Variants in ATRN observed in about 807,000 individuals in gnomAD.
ATRN encodes the protein attractin-2.
Under a neutral mutation model 178.7 loss-of-function variants are expected in ATRN, and 54 were observed. That is an observed-to-expected ratio of 0.30 (90% confidence interval 0.24 to 0.38). ATRN has a LOEUF of 0.38. Among genes scored for constraint, ATRN ranks in the 10% least tolerant of loss-of-function variants. ATRN has a pLI of 1.00. For missense variants in ATRN, 1,443 were observed against 1,815.1 expected (o/e 0.79, Z 3.73); for synonymous variants, 636 against 663.0 (o/e 0.96, Z 0.63).
chr20:3,551,512 C>T (rs530111598), intron 6 of ATRN, among the ~76,000 whole-genome samples: 2 of 152,240 alleles, frequency 1.3e-5, no homozygotes, highest in Non-Finnish European at 2.9e-5. Flanking sequence ...CAGTAAATCA[C>T]TTGTACAGGA....
chr20:3,639,249 G>T (rs1555828248), intron 27 of ATRN, among the ~76,000 whole-genome samples: 1 of 149,054 alleles, frequency 6.7e-6, no homozygotes, highest in Non-Finnish European at 1.5e-5. Flanking sequence ...TCGAATCATT[G>T]TTTTTTTGTT....
chr20:3,476,596 C>T (rs977578055), intron 1 of ATRN, among the ~76,000 whole-genome samples: 3 of 152,360 alleles, frequency 2.0e-5, no homozygotes, highest in South Asian at 2.1e-4. Flanking sequence ...CAGTGGCTCA[C>T]GCCTGTAATC....
intron 22 of ATRN, among the ~76,000 whole-genome samples, chr20:3,599,021 G>C (rs542131434): frequency 6.6e-6 from 1 of 152,214 alleles, no homozygotes; most frequent in East Asian, 1.9e-4. Flanking sequence ...ACAAGTAAAT[G>C]AAAATAGGAT....
chr20:3,472,465 A>G (rs1261959070), intron 1 of ATRN, among the ~76,000 whole-genome samples: 1 of 152,240 alleles, frequency 6.6e-6, no homozygotes, highest in South Asian at 2.1e-4. Flanking sequence ...TGAACAAGAC[A>G]GACAGGGCCT....
chr20:3,589,470 A>G (rs2086408406), intron 18 of ATRN, among the ~76,000 whole-genome samples: 5 of 150,984 alleles, frequency 3.3e-5, no homozygotes, highest in Admixed American at 3.3e-4. Context: ...TATATTGTGG[A>G]TGCAATAATT....
chr20:3,540,729 C>T (rs2085606664), intron 3 of ATRN, among the ~76,000 whole-genome samples: 1 of 152,164 alleles, frequency 6.6e-6, no homozygotes, highest in Admixed American at 6.5e-5. Context: ...TTGCCCACTG[C>T]ATAGGCCTTC....
At chr20:3,472,823 A>G (rs2084451209) in intron 1 of ATRN, among the ~76,000 whole-genome samples, 1 of 152,214 alleles carries the variant, frequency 6.6e-6, no homozygotes, top group Non-Finnish European at 1.5e-5. Context: ...CTGGAAAAAA[A>G]TTACAGATGG....
In ATRN at chr20:3,641,590, CAA is replaced by C. The variant is rs61692220; in HGVS notation, c.4051-2540_4051-2539del. Among the ~76,000 whole-genome samples, 228 of 47,788 alleles carry C rather than the reference CAA, an allele frequency of 4.8e-3. 1 individual carries two copies. Among genetic ancestry groups the C allele is most frequent in the East Asian group, 0.024 (41 of 1,738 alleles). 31.4% of individuals were successfully genotyped at this position (47,788 alleles called of 152,430 possible). On this transcript the variant is annotated intron_variant, in intron 27 of 28. Coordinates refer to ENST00000262919, the MANE Select transcript of ATRN (RefSeq NM_139321.3). ...TGGGCGACAGAACAAGACTCTGTCGCAAAAAAAAAAAAAAAAAAAAAAAAAGG... is the reference window on the plus strand; with the variant it reads ...TGGGCGACAGAACAAGACTCTGTCGCAAAAAAAAAAAAAAAAAAAAAAAGG...
At chr20:3,512,888 T>A (rs1463114172) in intron 1 of ATRN, among the ~76,000 whole-genome samples, 1 of 152,212 alleles carries the variant, frequency 6.6e-6, no homozygotes, top group Non-Finnish European at 1.5e-5. Context: ...ACGTGTCTGT[T>A]GGCTGCATAA....
intron 22 of ATRN, among the ~76,000 whole-genome samples, chr20:3,598,585 A>AT (rs1250885881): frequency 3.3e-5 from 5 of 152,302 alleles, no homozygotes; most frequent in African/African-American, 7.2e-5. Flanking sequence ...TAAAATGTGG[A>AT]TTTTTTTATC....
intron 1 of ATRN, among the ~76,000 whole-genome samples, chr20:3,476,726 G>A (rs2084536543): frequency 6.6e-6 from 1 of 152,176 alleles, no homozygotes; most frequent in Non-Finnish European, 1.5e-5. Context: ...CAGGCATGGT[G>A]GCGAGCGCCT....
At position 3,471,409 on chromosome 20, in the gene ATRN, G is replaced by A. The variant is rs1176357571; in HGVS notation, c.302G>A (p.Cys101Tyr). The change falls in exon 1 of 29, where the codon TGT (cysteine) becomes TAT (tyrosine). Residue 101 changes from cysteine to tyrosine, a missense_variant. Around this residue, in one of 4 missense-constraint regions of ATRN, gnomAD observed 862 missense variants for 972.1 expected, o/e 0.89. Coordinates refer to ENST00000262919, the MANE Select transcript of ATRN (RefSeq NM_139321.3). ...SGSAAAEAKE[C>Y]DRPCVNGGRC... ...TCAGCCGCAGCCGAGGCCAAGGAAT[G>A]TGACCGGCCCTGTGTCAACGGCGGT... 1 of 1,488,166 alleles carries A rather than the reference G, an allele frequency of 6.7e-7. No homozygotes were observed. Among genetic ancestry groups the A allele is most frequent in the Non-Finnish European group, 8.9e-7 (1 of 1,127,264 alleles). The allele number at this position is 1,488,166 out of a possible 1,614,324, so 92.2% of individuals were successfully genotyped here.
intron 23 of ATRN, among the ~76,000 whole-genome samples, chr20:3,602,387 A>ATAATAAAT (rs928412817): frequency 3.3e-5 from 5 of 152,126 alleles, no homozygotes; most frequent in Non-Finnish European, 7.3e-5. Flanking sequence ...ATTAAATGAG[A>ATAATAAAT]TAATAAATGA....
chr20:3,620,143 A>G (rs2086885572), intron 24 of ATRN, among the ~76,000 whole-genome samples: 1 of 151,816 alleles, frequency 6.6e-6, no homozygotes, highest in Non-Finnish European at 1.5e-5. Context: ...CCTTCCAATT[A>G]AAGGCGAGGA....
chr20:3,540,214 C>A lies in ATRN; in HGVS notation c.495-8C>A, dbSNP rs376960261. 35 of 1,508,066 alleles carry A rather than the reference C, an allele frequency of 2.3e-5. No homozygotes were observed. Among genetic ancestry groups the A allele is most frequent in the Non-Finnish European group, 3.0e-5 (33 of 1,109,588 alleles). The allele number at this position is 1,508,066 out of a possible 1,614,324, so 93.4% of individuals were successfully genotyped here. ...TTTATTATAAATTACTTTTTTTATT[C>A]TTTTCAGGCCAAATAGAATAATGAG... On this transcript the variant is annotated splice_polypyrimidine_tract_variant and splice_region_variant and intron_variant, in intron 2 of 28. Transcript: ENST00000262919.
Position 3,560,914 on chromosome 20 carries a change from A to AT in ATRN, c.1447+15dup. The AT allele has an allele frequency of 6.2e-7, 1 of 1,611,564 alleles. No homozygotes were observed. Among genetic ancestry groups the AT allele is most frequent in the Non-Finnish European group, 8.5e-7 (1 of 1,178,136 alleles). The stretch of plus-strand genomic sequence containing the variant: ...GCAGGAATATGATTTGGGTAGGTAT[A>AT]TTTTTTCCAGTAGATGCCTTTTGAA... On this transcript the variant is annotated intron_variant, in intron 8 of 28. Transcript: ENST00000262919.
rs1230976384 is a variant in ATRN, at chr20:3,528,378, A to G, written c.411-6875A>G. On this transcript the variant is annotated intron_variant, in intron 1 of 28. Transcript: ENST00000262919. ...CGAAACTCCGTCTCAAAAAAAAAAA[A>G]TGTGGTACATATACTCCGTGGAATA... is the stretch of plus-strand genomic sequence containing the variant. 2.6e-5 allele frequency among the ~76,000 whole-genome samples: 4 copies of G among 152,032 alleles called. 1 individual carries two copies. The highest frequency in any genetic ancestry group is 4.2e-4 in the South Asian group (2 of 4,812).
chr20:3,536,471 A>G (rs2085535273), intron 2 of ATRN, among the ~76,000 whole-genome samples: 1 of 152,218 alleles, frequency 6.6e-6, no homozygotes, highest in African/African-American at 2.4e-5. Flanking sequence ...TTGGCCACAC[A>G]AAGTGCTGGG....
chr20:3,608,776 G>A (rs1486134675), intron 24 of ATRN, among the ~76,000 whole-genome samples: 2 of 152,072 alleles, frequency 1.3e-5, no homozygotes, highest in Non-Finnish European at 2.9e-5. Context: ...AGACCAGCCT[G>A]GCCAACATGG....
Sources: gnomAD v4.1 joint callset for allele counts (sites outside exome capture counted in the v4.1 genomes callset) on GRCh38, gnomAD v4.1.1 for gene constraint, gnomAD v4.1.1 regional missense constraint, MANE v1.5 for transcripts, NCBI Gene and HGNC (gene_info 2026-07-23, HGNC 2026-07-21) for gene names.